DST: variants seen among roughly 807,000 people sequenced by gnomAD.
The protein encoded by DST is bullous pemphigoid antigen.
Under a neutral mutation model 875.2 loss-of-function variants are expected in DST, and 253 were observed. The observed-to-expected ratio is 0.29, with a 90% CI of 0.26 to 0.32. The LOEUF (loss-of-function observed/expected upper bound fraction) is 0.32, where lower values mean the gene tolerates loss of function less well. Ranked by LOEUF, DST falls within the 10% of genes least tolerant of loss-of-function variation. The pLI, the probability that DST is intolerant of heterozygous loss-of-function variation, is 1.00. For synonymous variants in DST, 3,124 were observed against 3,197.1 expected, an observed-to-expected ratio of 0.98 and a Z score of 0.77; for missense variants, 8,287 against 9,111.6, an observed-to-expected ratio of 0.91 and a Z score of 3.68.
intron 4 of DST, chr6:56,742,347 G>A (rs758152191): frequency 3.1e-6 from 4 of 1,289,756 alleles, no homozygotes; most frequent in South Asian, 2.5e-5. Context: ...TCATTCTGCA[G>A]GAAATCTGTG....
chr6:56,817,617 TGTCATAC>T (rs2099768114), intron 4 of DST, among the ~76,000 whole-genome samples: 1 of 152,214 alleles, frequency 6.6e-6, no homozygotes, highest in Non-Finnish European at 1.5e-5. Context: ...TAGCCAAGTT[TGTCATAC>T]TTCATTTTTT....
chr6:56,882,954 C>T (rs1356145709), intron 3 of DST, among the ~76,000 whole-genome samples: 1 of 152,188 alleles, frequency 6.6e-6, no homozygotes, highest in Non-Finnish European at 1.5e-5. Flanking sequence ...GCAACCTCTG[C>T]CTGCCAGGTT....
At chr6:56,713,940 G>T (rs1009513782) in intron 5 of DST, among the ~76,000 whole-genome samples, 2 of 152,180 alleles carry the variant, frequency 1.3e-5, no homozygotes, top group African/African-American at 4.8e-5. Context: ...AGAGCAACTG[G>T]TTGCATCCTC....
intron 64 of DST, among the ~76,000 whole-genome samples, chr6:56,531,023 A>G (rs574816177): frequency 8.7e-4 from 132 of 152,342 alleles, no homozygotes; most frequent in African/African-American, 3.0e-3. Context: ...GGCATAAGCT[A>G]TTAAACATAA....
chr6:56,694,065 A>G (rs1205191164), intron 9 of DST, among the ~76,000 whole-genome samples: 2 of 149,820 alleles, frequency 1.3e-5, no homozygotes, highest in Non-Finnish European at 3.0e-5. Context: ...ATATATATAT[A>G]TGTAGTTAAA....
intron 3 of DST, among the ~76,000 whole-genome samples, chr6:56,860,955 A>T (rs1167180899): frequency 6.6e-6 from 1 of 151,846 alleles, no homozygotes; most frequent in African/African-American, 2.4e-5. Context: ...CATTGTCTCC[A>T]TTACTGGAGA....
At chr6:56,721,099 C>G (rs528935855) in intron 5 of DST, among the ~76,000 whole-genome samples, 2 of 150,794 alleles carry the variant, frequency 1.3e-5, no homozygotes, top group Admixed American at 6.6e-5. Flanking sequence ...GGCTGCCGGG[C>G]GGGGGCGCCC....
chr6:56,551,377 C>T (rs2097318658), intron 61 of DST, among the ~76,000 whole-genome samples: 1 of 152,116 alleles, frequency 6.6e-6, no homozygotes, highest in Admixed American at 6.5e-5. Flanking sequence ...GCTGTGAAAC[C>T]CTAAAGGTTT....
chr6:56,900,964 T>C (rs958050654), intron 2 of DST, among the ~76,000 whole-genome samples: 13 of 151,594 alleles, frequency 8.6e-5, no homozygotes, highest in Non-Finnish European at 1.9e-4. Context: ...GGCGTTTCCA[T>C]TTTGGCCTGA....
chr6:56,938,370 C>T (rs544321176), intron 2 of DST, among the ~76,000 whole-genome samples: 27 of 152,110 alleles, frequency 1.8e-4, no homozygotes, highest in Non-Finnish European at 2.8e-4. Context: ...GCAACCCTCC[C>T]GTCTCAGCCT....
intron 5 of DST, among the ~76,000 whole-genome samples, chr6:56,709,836 A>G (rs1022817764): frequency 6.6e-6 from 1 of 152,218 alleles, no homozygotes; most frequent in Non-Finnish European, 1.5e-5. Flanking sequence ...AGGTCTTCCC[A>G]GCAAAGAAGA....
At chr6:56,742,884 T>C (rs898797762) in intron 4 of DST, among the ~76,000 whole-genome samples, 1 of 152,250 alleles carries the variant, frequency 6.6e-6, no homozygotes, top group African/African-American at 2.4e-5. Context: ...GTATGCCTTA[T>C]GGATACATTT....
chr6:56,571,250 C>G (rs1562876327), intron 53 of DST, among the ~76,000 whole-genome samples: 1 of 152,180 alleles, frequency 6.6e-6, no homozygotes, highest in Non-Finnish European at 1.5e-5. Context: ...TGCAGCTGGA[C>G]TAATACTGAT....
intron 4 of DST, among the ~76,000 whole-genome samples, chr6:56,780,486 G>A (rs1361817963): frequency 1.2e-4 from 18 of 151,320 alleles, no homozygotes; most frequent in Non-Finnish European, 2.4e-4. Flanking sequence ...GTGATGATGA[G>A]CATTTTTTCA....
chr6:56,946,159 G>T (rs1819390653), intron 2 of DST, among the ~76,000 whole-genome samples: 1 of 152,152 alleles, frequency 6.6e-6, no homozygotes, highest in African/African-American at 2.4e-5. Flanking sequence ...GAGAGCCAGG[G>T]CCAGAAAGGG....
chr6:56,746,910 A>C (rs1430730421), intron 4 of DST, among the ~76,000 whole-genome samples: 4 of 152,154 alleles, frequency 2.6e-5, no homozygotes, highest in Admixed American at 2.6e-4. Flanking sequence ...GCGTGACTGG[A>C]CTTGCTCTTA....
chr6:56,500,308 A>C (rs1434967423), intron 80 of DST, among the ~76,000 whole-genome samples: 1 of 152,114 alleles, frequency 6.6e-6, no homozygotes, highest in Non-Finnish European at 1.5e-5. Flanking sequence ...GATAAACTCT[A>C]CTGTGCATAA....
chr6:56,780,116 A>C (rs1013469391), intron 4 of DST, among the ~76,000 whole-genome samples: 3 of 151,828 alleles, frequency 2.0e-5, no homozygotes, highest in African/African-American at 4.9e-5. Flanking sequence ...TTCTGAATCC[A>C]GTCTATCATT....
chr6:56,487,941 T>C (rs1236758907), intron 86 of DST, among the ~76,000 whole-genome samples: 1 of 152,206 alleles, frequency 6.6e-6, no homozygotes, highest in Non-Finnish European at 1.5e-5. Flanking sequence ...GCTATGCAAA[T>C]GTACACTTTT....
Sources: gnomAD v4.1 joint callset for allele counts (sites outside exome capture counted in the v4.1 genomes callset) on GRCh38, gnomAD v4.1.1 for gene constraint, MANE v1.5 for transcripts, NCBI Gene and HGNC (gene_info 2026-07-23, HGNC 2026-07-21) for gene names.